CDH13: variants seen among roughly 807,000 people sequenced by gnomAD.
The protein encoded by CDH13 is cadherin 13, also known as cadherin-13.
Under a neutral mutation model 63.8 loss-of-function variants are expected in CDH13, and 24 were observed. That is an observed-to-expected ratio of 0.38 (90% CI 0.27 to 0.53). The LOEUF is 0.53. Among genes scored for constraint, CDH13 ranks in the 20% least tolerant of loss-of-function variants. CDH13 has a pLI of 0.85. For missense variants in CDH13, 1,049 were observed against 903.1 expected, an observed-to-expected ratio of 1.16 and a Z score of -2.07; for synonymous variants, 503 against 355.3, an observed-to-expected ratio of 1.42 and a Z score of -4.67.
At chr16:83,470,075 A>C (rs1337825532) in intron 6 of CDH13, among the ~76,000 whole-genome samples, 2 of 152,198 alleles carry the variant, frequency 1.3e-5, no homozygotes, top group African/African-American at 4.8e-5. Context: ...AGATCTGTGC[A>C]GCTCTCCTGG....
chr16:83,096,490 A>G (rs1055003085), intron 3 of CDH13, among the ~76,000 whole-genome samples: 9 of 152,212 alleles, frequency 5.9e-5, no homozygotes, highest in African/African-American at 9.6e-5. Flanking sequence ...TGAAAGTGCA[A>G]TTACAGAAAA....
At chr16:83,383,935 TAC>T (rs1312386235) in intron 6 of CDH13, among the ~76,000 whole-genome samples, 2 of 152,146 alleles carry the variant, frequency 1.3e-5, no homozygotes, top group Admixed American at 1.3e-4. Flanking sequence ...AGAGCAATGA[TAC>T]AGACACACAC....
At chr16:83,143,214 T>C (rs1309717052) in intron 4 of CDH13, among the ~76,000 whole-genome samples, 1 of 152,200 alleles carries the variant, frequency 6.6e-6, no homozygotes, top group Admixed American at 6.5e-5. Context: ...TATTTTTTCT[T>C]TGGATATATT....
intron 1 of CDH13, among the ~76,000 whole-genome samples, chr16:82,782,803 G>C (rs1361838659): frequency 6.6e-6 from 1 of 152,132 alleles, no homozygotes; most frequent in Non-Finnish European, 1.5e-5. Flanking sequence ...CAGGAATCCT[G>C]ACAGGAGCAG....
At chr16:82,722,307 G>A (rs546719347) in intron 1 of CDH13, among the ~76,000 whole-genome samples, 4 of 152,158 alleles carry the variant, frequency 2.6e-5, no homozygotes, top group African/African-American at 9.6e-5. Flanking sequence ...CCATCTCTTG[G>A]CTCTACTTTT....
At chr16:83,237,044 A>G (rs113327341) in intron 5 of CDH13, among the ~76,000 whole-genome samples, 2 of 152,276 alleles carry the variant, frequency 1.3e-5, no homozygotes, top group African/African-American at 4.8e-5. Context: ...ACCAGGAGGA[A>G]GAGGGTGGGG....
chr16:82,904,332 G>T (rs533182181), intron 2 of CDH13, among the ~76,000 whole-genome samples: 8 of 152,278 alleles, frequency 5.3e-5, no homozygotes, highest in Admixed American at 5.2e-4. Flanking sequence ...CAAATCCATT[G>T]CAAGTAGCTT....
chr16:83,351,166 G>A (rs374821700), intron 6 of CDH13, among the ~76,000 whole-genome samples: 4 of 151,908 alleles, frequency 2.6e-5, no homozygotes, highest in Admixed American at 1.3e-4. Flanking sequence ...TCAACCCATT[G>A]ACTGTTAATT....
intron 5 of CDH13, among the ~76,000 whole-genome samples, chr16:83,301,438 C>T (rs1016800752): frequency 2.6e-5 from 4 of 152,054 alleles, no homozygotes; most frequent in Non-Finnish European, 5.9e-5. Flanking sequence ...TACCCAGTAC[C>T]TTGTTTAATG....
intron 3 of CDH13, among the ~76,000 whole-genome samples, chr16:83,097,539 A>G (rs1213378644): frequency 1.3e-5 from 2 of 152,232 alleles, no homozygotes; most frequent in Non-Finnish European, 2.9e-5. Flanking sequence ...TCACTGGTGC[A>G]GCCAATACCC....
chr16:82,997,503 G>C (rs1380861968), intron 2 of CDH13, among the ~76,000 whole-genome samples: 1 of 152,046 alleles, frequency 6.6e-6, no homozygotes, highest in African/African-American at 2.4e-5. Flanking sequence ...TAAACAAAAT[G>C]TCAACATTTT....
intron 5 of CDH13, among the ~76,000 whole-genome samples, chr16:83,255,230 C>G (rs1281167206): frequency 6.6e-6 from 1 of 152,170 alleles, no homozygotes; most frequent in African/African-American, 2.4e-5. Context: ...ACTTCTCCAG[C>G]ATGGACTATG....
chr16:83,215,649 G>A (rs535044757), intron 4 of CDH13, among the ~76,000 whole-genome samples: 205 of 151,850 alleles, frequency 1.4e-3, no homozygotes, highest in African/African-American at 4.7e-3. Context: ...GTGGTGGGGT[G>A]GTGGAGCAGG....
chr16:83,457,232 G>T (rs764531282), intron 6 of CDH13, among the ~76,000 whole-genome samples: 2 of 152,150 alleles, frequency 1.3e-5, no homozygotes, highest in Non-Finnish European at 2.9e-5. Flanking sequence ...TTGGGGATTA[G>T]ACCCAAGAAT....
chr16:82,711,415 A>G (rs2031934212), intron 1 of CDH13, among the ~76,000 whole-genome samples: 3 of 152,160 alleles, frequency 2.0e-5, no homozygotes, highest in Admixed American at 2.0e-4. Context: ...GGAGGATGCA[A>G]GAGGAACACA....
chr16:83,541,140 T>A (rs369238845), intron 7 of CDH13, among the ~76,000 whole-genome samples: 2 of 152,264 alleles, frequency 1.3e-5, no homozygotes, highest in East Asian at 3.9e-4. Flanking sequence ...GCCTCTGGCC[T>A]ACACTAGTGC....
intron 6 of CDH13, among the ~76,000 whole-genome samples, chr16:83,436,978 C>G (rs12919109): frequency 0.14 from 21,938 of 152,094 alleles, 2,072 homozygotes; most frequent in Non-Finnish European, 0.21. Context: ...GATGGTGAAA[C>G]TCTTTCTTGA....
At chr16:83,213,631 C>T (rs1247052958) in intron 4 of CDH13, among the ~76,000 whole-genome samples, 2 of 152,108 alleles carry the variant, frequency 1.3e-5, no homozygotes, top group African/African-American at 4.8e-5. Flanking sequence ...GTTCGTTGCT[C>T]GTCAGAATGC....
At chr16:82,866,550 G>A (rs2040152489) in intron 2 of CDH13, among the ~76,000 whole-genome samples, 1 of 151,556 alleles carries the variant, frequency 6.6e-6, no homozygotes, top group Non-Finnish European at 1.5e-5. Flanking sequence ...CACCATGCCT[G>A]GCTAATTTTT....
Sources: allele counts gnomAD v4.1 joint callset (sites outside exome capture counted in the v4.1 genomes callset), GRCh38; gene constraint gnomAD v4.1.1; transcripts MANE v1.5; gene names NCBI Gene and HGNC (gene_info 2026-07-23, HGNC 2026-07-21).